Variants in GAP43 observed in about 807,000 individuals in gnomAD.
GAP43 encodes growth associated protein 43, also known as neuromodulin.
In GAP43, 6 loss-of-function variants were observed where a neutral mutation model predicts 18.6. The observed-to-expected ratio is 0.32, with a 90% confidence interval of 0.18 to 0.64. The LOEUF (loss-of-function observed/expected upper bound fraction) is 0.64. Among genes scored for constraint, GAP43 ranks in the 30% least tolerant of loss-of-function variants. The pLI, the probability that GAP43 is intolerant of heterozygous loss-of-function variation, is 0.78. For missense variants in GAP43, 292 were observed against 295.5 expected (o/e 0.99, Z 0.09); for synonymous variants, 115 against 111.4 (o/e 1.03, Z -0.20).
At position 115,651,193 on chromosome 3, in the gene GAP43, A is replaced by G. The variant is rs543087887; in HGVS notation, c.31-24820A>G. 3.2e-4 allele frequency among the ~76,000 whole-genome samples: 49 copies of G among 152,264 alleles called. 1 individual carries two copies. Among genetic ancestry groups the G allele is most frequent in the African/African-American group, 1.0e-3 (43 of 41,566 alleles). ...CTGTCACACTGAGAAACCTTTTATT[A>G]TTTGGAACCCATATGCCAACAGGCC... On this transcript the variant is annotated intron_variant, in intron 1 of 2. Coordinates refer to ENST00000305124, the MANE Select transcript of GAP43 (RefSeq NM_002045.4).
intron 2 of GAP43, among the ~76,000 whole-genome samples, chr3:115,679,101 A>G (rs1256950488): frequency 6.6e-6 from 1 of 151,930 alleles, no homozygotes; most frequent in Non-Finnish European, 1.5e-5. Flanking sequence ...ACTGGGCTGT[A>G]CTGTTCGGAA....
In GAP43 at chr3:115,676,163, G is replaced by C. The variant is rs1423369198; in HGVS notation, c.181G>C (p.Ala61Pro). The C allele has an allele frequency of 6.2e-7, 1 of 1,614,200 alleles. No individual in the cohort carries two copies. The highest frequency in any genetic ancestry group is 1.1e-5 in the South Asian group (1 of 91,078). The change falls in exon 2 of 3, where the codon GCT becomes CCT. Residue 61 changes from alanine to proline, a missense_variant. Transcript: ENST00000305124. ...LKGEKKDDVQ[A>P]AEAEANKKDE... ...AGGAGAGAAGAAGGATGATGTCCAA[G>C]CTGCTGAGGCTGAAGCTAATAAGAA...
intron 1 of GAP43, among the ~76,000 whole-genome samples, chr3:115,636,521 A>G (rs1410831655): frequency 6.6e-6 from 1 of 152,096 alleles, no homozygotes; most frequent in Non-Finnish European, 1.5e-5. Flanking sequence ...TACCAGTTAT[A>G]TACCATCCTT....
At chr3:115,720,455 G>A (rs1709563643) in intron 2 of GAP43, among the ~76,000 whole-genome samples, 1 of 152,160 alleles carries the variant, frequency 6.6e-6, no homozygotes, top group African/African-American at 2.4e-5. Flanking sequence ...AGCAATACAA[G>A]ATTGTCGTTG....
chr3:115,681,234 C>A (rs1170321950), intron 2 of GAP43, among the ~76,000 whole-genome samples: 1 of 152,040 alleles, frequency 6.6e-6, no homozygotes, highest in Non-Finnish European at 1.5e-5. Context: ...TAATATTTTT[C>A]TTTCTATTTT....
intron 1 of GAP43, among the ~76,000 whole-genome samples, chr3:115,666,332 G>A (rs1708732579): frequency 6.6e-6 from 1 of 152,190 alleles, no homozygotes; most frequent in African/African-American, 2.4e-5. Context: ...ATATAGCTCA[G>A]TAGTACTGTC....
At chr3:115,654,561 T>C (rs1708557910) in intron 1 of GAP43, among the ~76,000 whole-genome samples, 1 of 152,160 alleles carries the variant, frequency 6.6e-6, no homozygotes, top group Non-Finnish European at 1.5e-5. Flanking sequence ...GCACAACGAA[T>C]CACACACAGT....
At chr3:115,656,822 T>G (rs1708590221) in intron 1 of GAP43, among the ~76,000 whole-genome samples, 1 of 152,200 alleles carries the variant, frequency 6.6e-6, no homozygotes, top group Non-Finnish European at 1.5e-5. Flanking sequence ...AAAACTCAGA[T>G]TGATCCAAAA....
At chr3:115,678,168 CT>C (rs1708917526) in intron 2 of GAP43, among the ~76,000 whole-genome samples, 1 of 152,150 alleles carries the variant, frequency 6.6e-6, no homozygotes, top group Admixed American at 6.5e-5. Context: ...AACTTAACTA[CT>C]TTTCTTTAGA....
At chr3:115,632,417 A>G (rs1708271475) in intron 1 of GAP43, among the ~76,000 whole-genome samples, 1 of 152,192 alleles carries the variant, frequency 6.6e-6, no homozygotes, top group Non-Finnish European at 1.5e-5. Context: ...GAGAGGTGAT[A>G]TGTAATCCTA....
At chr3:115,697,185 A>G (rs1478194784) in intron 2 of GAP43, among the ~76,000 whole-genome samples, 1 of 84,696 alleles carries the variant, frequency 1.2e-5, no homozygotes, top group Non-Finnish European at 2.2e-5. Context: ...TATATTATAC[A>G]TTACATTTAT....
chr3:115,662,904 A>C (rs1708682930), intron 1 of GAP43, among the ~76,000 whole-genome samples: 2 of 152,228 alleles, frequency 1.3e-5, no homozygotes, highest in Non-Finnish European at 1.5e-5. Flanking sequence ...TTCAAAGATT[A>C]GATTATTATT....
intron 2 of GAP43, among the ~76,000 whole-genome samples, chr3:115,717,669 C>CTTT (rs56359297): frequency 1.5e-5 from 2 of 135,634 alleles, no homozygotes; most frequent in Non-Finnish European, 3.2e-5. Context: ...AAGGATTTTG[C>CTTT]TTTTTTTTTT....
Position 115,672,794 on chromosome 3 carries a change from G to A in GAP43, c.31-3219G>A, listed in dbSNP as rs150566912. On this transcript the variant is annotated intron_variant, in intron 1 of 2. Coordinates refer to ENST00000305124, the MANE Select transcript of GAP43 (RefSeq NM_002045.4). ...CTTTCCTTTCCTTTCATTTCCCTGC[G>A]TCTGTTTCTTTACTGCTATCTGGAA... Among the ~76,000 whole-genome samples the A allele has an allele frequency of 3.3e-3, 366 of 110,842 alleles. 3 individuals are homozygous for A. Among genetic ancestry groups the A allele is most frequent in the African/African-American group, 0.01 (302 of 29,070 alleles). 72.7% of individuals were successfully genotyped at this position (110,842 alleles called of 152,430 possible). A position where few individuals can be genotyped will look rare whatever the true frequency, so the allele number is the denominator to read the frequency against.
chr3:115,663,990 T>A, intron 1 of GAP43: 3 of 1,417,736 alleles, frequency 2.1e-6, no homozygotes, highest in Non-Finnish European at 2.9e-6. Flanking sequence ...ACTAGCTGTA[T>A]GACTTTGAGC....
At chr3:115,654,274 T>C (rs1708555076) in intron 1 of GAP43, among the ~76,000 whole-genome samples, 2 of 152,226 alleles carry the variant, frequency 1.3e-5, no homozygotes, top group South Asian at 4.1e-4. Flanking sequence ...AATATAAACT[T>C]AAGCAAGTCA....
At chr3:115,653,313 A>G (rs6773257) in intron 1 of GAP43, among the ~76,000 whole-genome samples, 110,621 of 151,628 alleles carry the variant, frequency 0.73, 40,514 homozygotes, top group Admixed American at 0.79. Context: ...GTGGTGGCGC[A>G]TGCCTGTAAT....
chr3:115,651,742 C>G (rs1465697626), intron 1 of GAP43, among the ~76,000 whole-genome samples: 1 of 152,072 alleles, frequency 6.6e-6, no homozygotes, highest in East Asian at 1.9e-4. Flanking sequence ...CCCCACTGTT[C>G]TAAAATTGCT....
chr3:115,644,118 T>C lies in GAP43; in HGVS notation c.30+20399T>C, dbSNP rs534554000. Among the ~76,000 whole-genome samples the C allele has an allele frequency of 3.6e-4, 55 of 152,164 alleles. No homozygotes were observed. The highest frequency in any genetic ancestry group is 7.2e-4 in the Admixed American group (11 of 15,256). On this transcript the variant is annotated intron_variant, in intron 1 of 2. Coordinates refer to ENST00000305124, the MANE Select transcript of GAP43 (RefSeq NM_002045.4). The surrounding 1 kb of genome is among the most constrained non-coding windows in gnomAD (Gnocchi z 4.2). ...CAAGAGTGATGAAAGAAGAATTTGGTCCTGCTCACCACTACAAAATGCCTA... is the reference window on the plus strand; with the variant it reads ...CAAGAGTGATGAAAGAAGAATTTGGCCCTGCTCACCACTACAAAATGCCTA...
Sources: gnomAD v4.1 joint callset for allele counts (sites outside exome capture counted in the v4.1 genomes callset) on GRCh38, gnomAD v4.1.1 for gene constraint, Gnocchi (gnomAD v3.1) non-coding constraint, MANE v1.5 for transcripts, NCBI Gene and HGNC (gene_info 2026-07-23, HGNC 2026-07-21) for gene names.